Variants in KIAA1217 observed in about 807,000 individuals in gnomAD.
The protein encoded by KIAA1217 is KIAA1217.
KIAA1217 carries 88 observed loss-of-function variants against 163.9 expected under a neutral mutation model. That is an observed-to-expected ratio of 0.54 (90% confidence interval 0.45 to 0.64). The LOEUF is 0.64. KIAA1217 is among the 30% of genes least tolerant of loss of function. The pLI, the probability that KIAA1217 is intolerant of heterozygous loss-of-function variation, is 0.00. For missense variants in KIAA1217, 2,372 were observed against 2,475.0 expected (o/e 0.96, Z 0.88); for synonymous variants, 903 against 923.1 (o/e 0.98, Z 0.39).
At chr10:23,751,061 T>C (rs1275497433) in intron 1 of KIAA1217, among the ~76,000 whole-genome samples, 1 of 151,804 alleles carries the variant, frequency 6.6e-6, no homozygotes, top group African/African-American at 2.4e-5. Flanking sequence ...AGAGCCTTGT[T>C]CTGTCACCCA....
chr10:24,296,793 A>G (rs1261220427), intron 2 of KIAA1217, among the ~76,000 whole-genome samples: 1 of 152,216 alleles, frequency 6.6e-6, no homozygotes, highest in African/African-American at 2.4e-5. Context: ...AAGGATAGAG[A>G]GAAAGCTTGC....
chr10:23,861,205 G>A (rs1007154544), intron 1 of KIAA1217, among the ~76,000 whole-genome samples: 5 of 152,132 alleles, frequency 3.3e-5, no homozygotes, highest in Non-Finnish European at 5.9e-5. Flanking sequence ...GAGCCACTGT[G>A]CCTGGCCAGA....
chr10:24,305,196 A>T (rs1471575074), intron 2 of KIAA1217, among the ~76,000 whole-genome samples: 3 of 152,196 alleles, frequency 2.0e-5, no homozygotes, highest in African/African-American at 7.2e-5. Flanking sequence ...TTGGGGAGAT[A>T]TTGTAGCCAG....
At chr10:24,523,724 A>T (rs1316657910) in intron 12 of KIAA1217, among the ~76,000 whole-genome samples, 1 of 152,192 alleles carries the variant, frequency 6.6e-6, no homozygotes, top group Non-Finnish European at 1.5e-5. Context: ...ATAAAGCATG[A>T]ACTAACTGCT....
At chr10:23,734,981 G>A (rs1838709569) in intron 1 of KIAA1217, among the ~76,000 whole-genome samples, 2 of 151,838 alleles carry the variant, frequency 1.3e-5, no homozygotes, top group Non-Finnish European at 1.5e-5. Context: ...CCTTCCATAA[G>A]CCCCAGTATG....
chr10:23,732,462 G>T (rs1209831484), intron 1 of KIAA1217, among the ~76,000 whole-genome samples: 1 of 152,050 alleles, frequency 6.6e-6, no homozygotes, highest in Non-Finnish European at 1.5e-5. Flanking sequence ...CATTGTATTA[G>T]GTATTTTAAG....
intron 1 of KIAA1217, among the ~76,000 whole-genome samples, chr10:23,932,969 G>A (rs1843319154): frequency 6.6e-6 from 1 of 152,152 alleles, no homozygotes; most frequent in Non-Finnish European, 1.5e-5. Flanking sequence ...CAGGTAAATT[G>A]AATACCATAA....
chr10:23,777,717 G>T (rs958280993), intron 1 of KIAA1217, among the ~76,000 whole-genome samples: 4 of 152,070 alleles, frequency 2.6e-5, no homozygotes, highest in African/African-American at 4.8e-5. Context: ...ATGCATGAAG[G>T]TTGAGGAAGA....
chr10:24,021,888 A>C (rs888585616), intron 2 of KIAA1217, among the ~76,000 whole-genome samples: 17 of 186 alleles, frequency 0.091, no homozygotes, highest in Admixed American at 0.23. Flanking sequence ...TCAATATACA[A>C]AAAAAAAATA....
At chr10:23,856,424 G>A (rs914775861) in intron 1 of KIAA1217, among the ~76,000 whole-genome samples, 79 of 152,344 alleles carry the variant, frequency 5.2e-4, no homozygotes, top group African/African-American at 1.5e-3. Context: ...TGCCCCTACT[G>A]GAGGGTGCCT....
At chr10:24,478,703 G>A (rs766753394) in intron 6 of KIAA1217, among the ~76,000 whole-genome samples, 4 of 152,114 alleles carry the variant, frequency 2.6e-5, no homozygotes, top group Non-Finnish European at 5.9e-5. Flanking sequence ...AGTGCCTGAG[G>A]CTCTGTCTTC....
chr10:23,861,506 G>A (rs1344819979), intron 1 of KIAA1217, among the ~76,000 whole-genome samples: 1 of 152,160 alleles, frequency 6.6e-6, no homozygotes, highest in African/African-American at 2.4e-5. Flanking sequence ...TTAAAATGGA[G>A]GGATTATCCT....
At position 23,949,057 on chromosome 10, in the gene KIAA1217, A is replaced by C. The variant is rs577420869; in HGVS notation, c.-320-58168A>C. 3.3e-5 allele frequency among the ~76,000 whole-genome samples: 5 copies of C among 152,334 alleles called. No homozygotes were observed. The East Asian group carries it at 9.6e-4, about 29-fold the overall frequency. ...AATGTACTCTAAAAAGAAAAAGAAA[A>C]GGAAAGCGAGAGAGAACTGGCGGAA... On this transcript the variant is annotated intron_variant, in intron 1 of 18. Transcript: ENST00000376462.
At chr10:24,215,652 TA>T (rs1307715486) in intron 1 of KIAA1217, among the ~76,000 whole-genome samples, 1 of 152,192 alleles carries the variant, frequency 6.6e-6, no homozygotes, top group Non-Finnish European at 1.5e-5. Context: ...ACATTCTCCT[TA>T]AATGGCTGGA....
chr10:23,743,531 G>A (rs1839234098), intron 1 of KIAA1217, among the ~76,000 whole-genome samples: 2 of 152,128 alleles, frequency 1.3e-5, no homozygotes, highest in Admixed American at 6.6e-5. Flanking sequence ...AATTATATTT[G>A]CTCTAAGGGA....
chr10:24,295,873 C>T (rs977637572), intron 2 of KIAA1217, among the ~76,000 whole-genome samples: 6 of 152,126 alleles, frequency 3.9e-5, no homozygotes, highest in Admixed American at 6.5e-5. Context: ...CCTGTTGTAT[C>T]GCTCTTATGG....
chr10:24,006,118 C>T (rs1344045141), intron 1 of KIAA1217, among the ~76,000 whole-genome samples: 8 of 152,282 alleles, frequency 5.3e-5, no homozygotes, highest in South Asian at 4.1e-4. Flanking sequence ...ATATTCATAA[C>T]TATTGAACTC....
At chr10:24,508,980 G>C (rs2068737337) in intron 9 of KIAA1217, among the ~76,000 whole-genome samples, 3 of 152,188 alleles carry the variant, frequency 2.0e-5, no homozygotes, top group Admixed American at 2.0e-4. Context: ...GGTTACATCA[G>C]TGTATACATT....
At chr10:23,994,263 G>A (rs2252484) in intron 1 of KIAA1217, among the ~76,000 whole-genome samples, 68,537 of 151,916 alleles carry the variant, frequency 0.45, 16,194 homozygotes, top group African/African-American at 0.6. Context: ...CTTTTAGTTG[G>A]CATATTACAC....
Sources: allele counts gnomAD v4.1 joint callset (sites outside exome capture counted in the v4.1 genomes callset), GRCh38; gene constraint gnomAD v4.1.1; transcripts MANE v1.5; gene names NCBI Gene and HGNC (gene_info 2026-07-23, HGNC 2026-07-21).